RALB: variants seen among roughly 807,000 people sequenced by gnomAD.
RALB encodes the protein ras-related protein Ral-B.
A neutral mutation model predicts 21.3 loss-of-function variants in RALB; 16 were observed. That is an observed-to-expected ratio of 0.75 (90% confidence interval 0.51 to 1.14). RALB has a LOEUF of 1.14. RALB is among the 50% of genes most tolerant of loss of function. The pLI is 0.00. For synonymous variants in RALB, 93 were observed against 96.1 expected (o/e 0.97, Z 0.19); for missense variants, 161 against 256.2 (o/e 0.63, Z 2.54).
At chr2:120,289,520 C>A in intron 3 of RALB, 60 bp from the exon 4 acceptor site, 2 of 1,542,454 alleles carry the variant, frequency 1.3e-6, no homozygotes, top group South Asian at 1.2e-5. Context: ...GATGGGTTCA[C>A]AAAACCAGGG....
chr2:120,270,924 C>T (rs1390506087), intron 1 of RALB, among the ~76,000 whole-genome samples: 1 of 152,176 alleles, frequency 6.6e-6, no homozygotes, highest in Admixed American at 6.5e-5. Context: ...TCAGTTCATA[C>T]TGTCTGGAGG....
intron 2 of RALB, among the ~76,000 whole-genome samples, chr2:120,284,213 A>C (rs1282551380): frequency 1.3e-5 from 2 of 152,222 alleles, no homozygotes; most frequent in Admixed American, 1.3e-4. Context: ...CTAATACTAA[A>C]CATGTCTTAA....
intron 1 of RALB, among the ~76,000 whole-genome samples, chr2:120,261,111 C>T (rs4848581): frequency 0.7 from 106,634 of 152,054 alleles, 38,057 homozygotes; most frequent in Middle Eastern, 0.8. Flanking sequence ...AGCATTAGCA[C>T]AGATAATTCC....
chr2:120,284,398 G>A (rs2104651356), intron 2 of RALB, among the ~76,000 whole-genome samples: 1 of 86,626 alleles, frequency 1.2e-5, no homozygotes, highest in Non-Finnish European at 2.5e-5. Context: ...TTTTTAAAGT[G>A]TACAATTTTT....
At chr2:120,265,912 C>T (rs929962504) in intron 1 of RALB, among the ~76,000 whole-genome samples, 9 of 152,210 alleles carry the variant, frequency 5.9e-5, no homozygotes, top group Non-Finnish European at 1.2e-4. Flanking sequence ...GCTCTAATGT[C>T]TCCACGGCTG....
At chr2:120,276,028 ACT>A (rs1689783582) in intron 1 of RALB, among the ~76,000 whole-genome samples, 1 of 151,816 alleles carries the variant, frequency 6.6e-6, no homozygotes, top group Non-Finnish European at 1.5e-5. Context: ...ATAAGGCATG[ACT>A]CTCTGGCAGC....
chr2:120,272,919 T>G (rs974161103), intron 1 of RALB, among the ~76,000 whole-genome samples: 1 of 152,220 alleles, frequency 6.6e-6, no homozygotes, highest in Non-Finnish European at 1.5e-5. Flanking sequence ...GTCTTTGAGT[T>G]TTTTGAGGGC....
At chr2:120,254,253 A>G (rs1689138945) in intron 1 of RALB, among the ~76,000 whole-genome samples, 1 of 152,160 alleles carries the variant, frequency 6.6e-6, no homozygotes, top group Admixed American at 6.5e-5. Flanking sequence ...TAGTTATCCT[A>G]ATTGTTAGGA....
intron 1 of RALB, among the ~76,000 whole-genome samples, chr2:120,257,562 T>C (rs1192517504): frequency 1.3e-5 from 2 of 152,182 alleles, no homozygotes; most frequent in African/African-American, 4.8e-5. Context: ...TATAACAAAA[T>C]ATTTCATTGA....
intron 1 of RALB, among the ~76,000 whole-genome samples, chr2:120,260,639 C>CG (rs1207536616): frequency 1.3e-5 from 2 of 152,174 alleles, no homozygotes; most frequent in Admixed American, 6.5e-5. Context: ...GAGAGCCACC[C>CG]GGGAAGCACT....
At chr2:120,248,077 G>C (rs1048450882), upstream of RALB, among the ~76,000 whole-genome samples, 8 of 152,244 alleles carry the variant, frequency 5.3e-5, no homozygotes, top group Non-Finnish European at 2.9e-5. Context: ...AGAGGGGAAA[G>C]CTGAGAGAAG....
At chr2:120,278,596 T>C in intron 1 of RALB, 22 bp from the exon 2 acceptor site, 3 of 1,433,210 alleles carry the variant, frequency 2.1e-6, no homozygotes, top group Non-Finnish European at 2.8e-6. Flanking sequence ...CGCCTCTAAG[T>C]CTTTGTCTTT....
chr2:120,290,669 T>C (rs1028265303), intron 4 of RALB, among the ~76,000 whole-genome samples: 1 of 151,674 alleles, frequency 6.6e-6, no homozygotes, highest in African/African-American at 2.4e-5. Context: ...CCCAGCATAC[T>C]TTCTCATTCA....
Position 120,294,318 on chromosome 2 carries a change from A to G in RALB, c.*1058A>G. 2.5e-6 allele frequency: 1 copy of G among 398,836 alleles called. No homozygotes were observed. The highest frequency in any genetic ancestry group is 4.4e-6 in the Non-Finnish European group (1 of 226,066). The allele number at this position is 398,836 out of a possible 1,614,324, so 24.7% of individuals were successfully genotyped here. On this transcript the variant is annotated 3_prime_UTR_variant, in exon 5 of 5. Transcript: ENST00000272519. ...TAAATTTAAAATTAGAAGTAGAGAG[A>G]GATAAGCCATCGCCCCTTTGCCTCT...
chr2:120,253,920 T>C (rs967603270), intron 1 of RALB, among the ~76,000 whole-genome samples: 1 of 152,132 alleles, frequency 6.6e-6, no homozygotes, highest in Non-Finnish European at 1.5e-5. Flanking sequence ...ATGGTGGGCA[T>C]GGAGTATCAG....
Position 120,273,686 on chromosome 2 carries a change from C to T in RALB, c.-47-4932C>T, listed in dbSNP as rs547210044. ...TATGCCCAGGAATAAGAGAAGACGC[C>T]GACCTGTAAGACCAGAGGCAAGATG... is the stretch of plus-strand genomic sequence containing the variant. On this transcript the variant is annotated intron_variant, in intron 1 of 4. Coordinates refer to ENST00000272519, the MANE Select transcript of RALB (RefSeq NM_002881.3). Among the ~76,000 whole-genome samples, 15 of 152,330 alleles carry T rather than the reference C, an allele frequency of 9.8e-5. 1 individual carries two copies. The South Asian group carries it at 1.9e-3, about 19-fold the overall frequency.
intron 1 of RALB, among the ~76,000 whole-genome samples, chr2:120,275,929 C>G (rs984857638): frequency 4.6e-5 from 7 of 152,154 alleles, no homozygotes; most frequent in African/African-American, 1.7e-4. Context: ...CAGTGAAATG[C>G]AGGGGTTTTT....
intron 1 of RALB, among the ~76,000 whole-genome samples, chr2:120,256,926 TA>T (rs1486123245): frequency 2.0e-5 from 3 of 152,254 alleles, no homozygotes; most frequent in Non-Finnish European, 4.4e-5. Context: ...TTTACTGAAG[TA>T]TACTGTAGGA....
chr2:120,246,489 G>GA (rs369646024), intron 1 of RALB, among the ~76,000 whole-genome samples: 1 of 152,212 alleles, frequency 6.6e-6, no homozygotes, highest in African/African-American at 2.4e-5. Flanking sequence ...GAGCACAGCC[G>GA]AACGTCTAAC....
Sources: allele counts gnomAD v4.1 joint callset (sites outside exome capture counted in the v4.1 genomes callset), GRCh38; gene constraint gnomAD v4.1.1; transcripts MANE v1.5; gene names NCBI Gene and HGNC (gene_info 2026-07-23, HGNC 2026-07-21).